ADAMTSL1: variants seen among roughly 807,000 people sequenced by gnomAD.
The protein encoded by ADAMTSL1 is ADAMTS like 1, also known as ADAMTS-like protein 1.
Under a neutral mutation model 201.8 loss-of-function variants are expected in ADAMTSL1, and 126 were observed. The ratio of observed to expected loss-of-function variants is 0.62; its 90% CI spans 0.54 to 0.72. ADAMTSL1 has a LOEUF of 0.72. ADAMTSL1 is among the 30% of genes least tolerant of loss of function. The pLI, the probability that ADAMTSL1 is intolerant of heterozygous loss-of-function variation, is 0.00. For synonymous variants in ADAMTSL1, 1,121 were observed against 903.4 expected (o/e 1.24, Z -4.32); for missense variants, 2,679 against 2,277.8 (o/e 1.18, Z -3.59).
chr9:17,967,486 T>A (rs1377182134), intron 1 of ADAMTSL1, among the ~76,000 whole-genome samples: 1 of 152,054 alleles, frequency 6.6e-6, no homozygotes, highest in Non-Finnish European at 1.5e-5. Flanking sequence ...CTACTGTGAG[T>A]CAAGCACTTT....
intron 3 of ADAMTSL1, among the ~76,000 whole-genome samples, chr9:18,534,820 C>A (rs989934877): frequency 6.6e-6 from 1 of 152,214 alleles, no homozygotes; most frequent in Non-Finnish European, 1.5e-5. Flanking sequence ...CTGAGCTGTA[C>A]CTTGGCCACT....
In ADAMTSL1 at chr9:18,204,630, A is replaced by T. The variant is rs1044124816; in HGVS notation, c.207+40649A>T. 2.6e-5 allele frequency among the ~76,000 whole-genome samples: 4 copies of T among 152,154 alleles called. No individual in the cohort carries two copies. The South Asian group carries it at 8.3e-4, about 32-fold the overall frequency. The stretch of plus-strand genomic sequence containing the variant: ...GTAAGACCCCTAAACCACCCTGCTC[A>T]CTATAATACCAAACAAAAAAGTTCC... On this transcript the variant is annotated intron_variant, in intron 2 of 29. Transcript: ENST00000680146.
intron 1 of ADAMTSL1, among the ~76,000 whole-genome samples, chr9:17,946,077 TGTGTGTGTGTGTGTGTGTG>T (rs1827462438): frequency 1.3e-4 from 4 of 30,260 alleles, no homozygotes; most frequent in African/African-American, 5.9e-4. Flanking sequence ...TGTGTGTGTG[TGTGTGTGTGTGTGTGTGTG>T]TGTGTGTGTG....
intron 2 of ADAMTSL1, among the ~76,000 whole-genome samples, chr9:18,355,665 T>G (rs1294217472): frequency 6.6e-6 from 1 of 152,232 alleles, no homozygotes; most frequent in Non-Finnish European, 1.5e-5. Context: ...TTTCTTTAAC[T>G]TTCCCTAAAT....
chr9:18,039,399 T>A (rs1295370994), intron 1 of ADAMTSL1, among the ~76,000 whole-genome samples: 4 of 152,144 alleles, frequency 2.6e-5, no homozygotes, highest in Admixed American at 2.0e-4. Context: ...TGACTGTTTT[T>A]AAAAAAATAA....
intron 1 of ADAMTSL1, among the ~76,000 whole-genome samples, chr9:18,149,359 C>T (rs1230433945): frequency 6.6e-6 from 1 of 151,866 alleles, no homozygotes; most frequent in Non-Finnish European, 1.5e-5. Flanking sequence ...GCATTAAGAG[C>T]AAAGAAGAAA....
chr9:18,085,647 C>T (rs1563991034), intron 1 of ADAMTSL1, among the ~76,000 whole-genome samples: 1 of 146,720 alleles, frequency 6.8e-6, no homozygotes, highest in South Asian at 2.1e-4. Context: ...TATATATATA[C>T]ATATACTCTG....
intron 25 of ADAMTSL1, 52 bp downstream of exon 25, chr9:18,889,800 C>G: frequency 1.4e-6 from 2 of 1,400,294 alleles, no homozygotes; most frequent in Non-Finnish European, 1.9e-6. Context: ...AGGAGCCCTC[C>G]CTGTTAGCGA....
intron 14 of ADAMTSL1, among the ~76,000 whole-genome samples, chr9:18,711,279 C>G (rs764321499): frequency 5.3e-5 from 8 of 152,226 alleles, no homozygotes; most frequent in African/African-American, 7.2e-5. Flanking sequence ...CGATCTACAG[C>G]TCCCAGCGTG....
chr9:18,683,221 GT>G (rs756275672), intron 12 of ADAMTSL1, among the ~76,000 whole-genome samples: 1 of 51,064 alleles, frequency 2.0e-5, no homozygotes, highest in Non-Finnish European at 5.2e-5. Flanking sequence ...ATTTACTGAG[GT>G]TTTTTTTGTT....
At chr9:18,650,706 A>C (rs1045288750) in intron 7 of ADAMTSL1, among the ~76,000 whole-genome samples, 1 of 152,218 alleles carries the variant, frequency 6.6e-6, no homozygotes, top group African/African-American at 2.4e-5. Context: ...CTTTAAAACT[A>C]GACTGAATTC....
chr9:18,679,336 G>A (rs1392592670), intron 10 of ADAMTSL1, among the ~76,000 whole-genome samples: 1 of 151,988 alleles, frequency 6.6e-6, no homozygotes, highest in Non-Finnish European at 1.5e-5. Flanking sequence ...TCATCAATAA[G>A]CAGAATATAT....
At chr9:18,667,810 T>TG (rs1564133729) in intron 9 of ADAMTSL1, among the ~76,000 whole-genome samples, 1 of 152,174 alleles carries the variant, frequency 6.6e-6, no homozygotes. Flanking sequence ...TCTAGAAAGA[T>TG]GGTTCTCTGT....
Position 18,680,436 on chromosome 9 carries a change from A to G in ADAMTSL1, c.1261A>G (p.Met421Val). Residue 421 changes from methionine to valine, a missense_variant, in exon 11 of 29, where the codon ATG becomes GTG. Transcript: ENST00000380548. ...HVTSVEEWKC[M>V]YTPKMPIAQP... ...CACTTCAGTGGAAGAGTGGAAATGC[A>G]TGTACACCCCTAAGATGCCCATCGC... The G allele has an allele frequency of 1.2e-6, 2 of 1,614,160 alleles. No individual in the cohort carries two copies. Among genetic ancestry groups the G allele is most frequent in the Non-Finnish European group, 1.7e-6 (2 of 1,180,022 alleles).
At chr9:18,778,873 G>A (rs757315341) in intron 19 of ADAMTSL1, among the ~76,000 whole-genome samples, 3 of 152,164 alleles carry the variant, frequency 2.0e-5, no homozygotes, top group East Asian at 1.9e-4. Flanking sequence ...AAAGAATCAC[G>A]GAATCATAGT....
intron 2 of ADAMTSL1, among the ~76,000 whole-genome samples, chr9:18,263,473 T>C (rs1175374348): frequency 5.9e-5 from 9 of 152,222 alleles, no homozygotes; most frequent in Admixed American, 5.9e-4. Flanking sequence ...CTCTCAGCAC[T>C]TCTCCCTCTA....
intron 1 of ADAMTSL1, among the ~76,000 whole-genome samples, chr9:17,962,796 T>A (rs924161227): frequency 6.6e-6 from 1 of 152,248 alleles, no homozygotes; most frequent in African/African-American, 2.4e-5. Context: ...GTTCAACTTC[T>A]TTTCCTTTGA....
chr9:18,500,802 A>G (rs951151348), intron 1 of ADAMTSL1, among the ~76,000 whole-genome samples: 12 of 152,330 alleles, frequency 7.9e-5, no homozygotes, highest in Admixed American at 7.2e-4. Flanking sequence ...TGATACATCT[A>G]CTACTAGTGA....
intron 1 of ADAMTSL1, among the ~76,000 whole-genome samples, chr9:18,476,628 C>T (rs1003732613): frequency 5.3e-5 from 8 of 152,238 alleles, no homozygotes; most frequent in African/African-American, 1.9e-4. Flanking sequence ...AACCTTCAAA[C>T]TTGATAGAGA....
Sources: allele counts gnomAD v4.1 joint callset (sites outside exome capture counted in the v4.1 genomes callset), GRCh38; gene constraint gnomAD v4.1.1; transcripts MANE v1.5; gene names NCBI Gene and HGNC (gene_info 2026-07-23, HGNC 2026-07-21).